Variants in SEMA3D observed in about 807,000 individuals in gnomAD.
SEMA3D encodes semaphorin-3D.
Under a neutral mutation model 100.1 loss-of-function variants are expected in SEMA3D, and 84 were observed. That is an observed-to-expected ratio of 0.84 (90% confidence interval 0.70 to 1.01). The LOEUF is 1.01. SEMA3D is among the 50% of genes least tolerant of loss of function. SEMA3D has a pLI of 0.00. For synonymous variants in SEMA3D, 312 were observed against 320.7 expected, an observed-to-expected ratio of 0.97 and a Z score of 0.29; for missense variants, 875 against 934.1, an observed-to-expected ratio of 0.94 and a Z score of 0.82.
chr7:85,009,338 C>T (rs543992810), intron 17 of SEMA3D, among the ~76,000 whole-genome samples: 8 of 151,476 alleles, frequency 5.3e-5, no homozygotes, highest in African/African-American at 1.5e-4. Context: ...GATAATCATG[C>T]AATTTTGTAG....
the SEMA3D span, among the ~76,000 whole-genome samples, chr7:85,244,312 G>C: frequency 6.6e-6 from 1 of 152,274 alleles, no homozygotes; most frequent in African/African-American, 2.4e-5. Context: ...CTCCTGAGAA[G>C]TGGCATTAAT....
intron 14 of SEMA3D, among the ~76,000 whole-genome samples, chr7:85,019,258 G>A (rs1790188935): frequency 6.6e-6 from 1 of 151,714 alleles, no homozygotes; most frequent in Admixed American, 6.6e-5. Flanking sequence ...CATTGAACGA[G>A]ACTTGTTCTA....
At chr7:85,051,741 G>T (rs1791171899) in intron 9 of SEMA3D, among the ~76,000 whole-genome samples, 1 of 151,806 alleles carries the variant, frequency 6.6e-6, no homozygotes, top group Admixed American at 6.6e-5. Context: ...ATAAAAATCT[G>T]TGCTCATAAT....
intron 4 of SEMA3D, among the ~76,000 whole-genome samples, chr7:85,085,809 A>T (rs568124956): frequency 6.6e-6 from 1 of 152,336 alleles, no homozygotes; most frequent in South Asian, 2.1e-4. Flanking sequence ...CAGGGACTTG[A>T]CACTAAAATA....
At chr7:85,098,445 T>G (rs1220782537) in intron 3 of SEMA3D, among the ~76,000 whole-genome samples, 1 of 151,892 alleles carries the variant, frequency 6.6e-6, no homozygotes, top group East Asian at 1.9e-4. Flanking sequence ...TAAAATTAAT[T>G]AATGTATACA....
chr7:85,168,643 T>C (rs1790979630), intron 1 of SEMA3D, among the ~76,000 whole-genome samples: 1 of 148,170 alleles, frequency 6.7e-6, no homozygotes, highest in Non-Finnish European at 1.5e-5. Context: ...TTTTTTTAAT[T>C]TTAATTACTT....
intron 1 of SEMA3D, among the ~76,000 whole-genome samples, chr7:85,162,721 G>A (rs1199204723): frequency 1.3e-5 from 2 of 152,074 alleles, no homozygotes; most frequent in Non-Finnish European, 2.9e-5. Context: ...GAAAAAGACT[G>A]GAAGCTCTGT....
rs925155194 is a variant in SEMA3D at position 85,107,099 on chromosome 7, TG to T, written c.152-9135del. Among the ~76,000 whole-genome samples the T allele has an allele frequency of 5.5e-4, 83 of 152,172 alleles. 1 individual carries two copies. The highest frequency in any genetic ancestry group is 2.0e-3 in the African/African-American group (83 of 41,538). On this transcript the variant is annotated intron_variant, in intron 3 of 18. Transcript: ENST00000284136. Reference sequence around the variant, plus strand: ...CGGTATTATGAAATTTAAAATAATTTGCCAGAATATATATATGTGTGTGTAT... The same window carrying T: ...CGGTATTATGAAATTTAAAATAATTTCCAGAATATATATATGTGTGTGTAT...
chr7:85,071,043 G>A (rs1791758296), intron 6 of SEMA3D, among the ~76,000 whole-genome samples: 1 of 152,000 alleles, frequency 6.6e-6, no homozygotes, highest in Non-Finnish European at 1.5e-5. Context: ...GCCTCCCAAA[G>A]TGTGAGCCAC....
intron 3 of SEMA3D, among the ~76,000 whole-genome samples, chr7:85,112,197 C>A (rs768999034): frequency 1.2e-4 from 19 of 152,136 alleles, no homozygotes; most frequent in Non-Finnish European, 2.5e-4. Context: ...ACTGACATCT[C>A]TACTTGAGAC....
intron 1 of SEMA3D, among the ~76,000 whole-genome samples, chr7:85,158,095 T>C (rs1790648738): frequency 6.6e-6 from 1 of 152,154 alleles, no homozygotes. Flanking sequence ...ATTATTGCGT[T>C]AACTGCACAA....
chr7:85,015,191 T>C lies in SEMA3D; in HGVS notation c.1571A>G (p.Asp524Gly), dbSNP rs748526442. The C allele has an allele frequency of 1.8e-5, 29 of 1,609,986 alleles. No individual in the cohort carries two copies. The highest frequency in any genetic ancestry group is 2.4e-5 in the Non-Finnish European group (28 of 1,177,136). Reference sequence around the variant, plus strand: ...GTGCAAGGAGAGCTGAACCAATCCATCTCGGGAACCAATGTACAATTGTTG... The same window carrying C: ...GTGCAAGGAGAGCTGAACCAATCCACCTCGGGAACCAATGTACAATTGTTG... Reference protein sequence around the residue: ...KQQQLYIGSRDGLVQLSLHRC... With the variant: ...KQQQLYIGSRGGLVQLSLHRC... The change falls in exon 16 of 19, where the codon GAT becomes GGT. Residue 524 changes from aspartate (D) to glycine (G), a missense_variant. Physicochemically the swap from Asp to Gly is moderately conservative, Grantham distance 94. Transcript: ENST00000284136.
intron 12 of SEMA3D, among the ~76,000 whole-genome samples, chr7:85,034,649 G>A (rs917096827): frequency 4.0e-5 from 6 of 151,798 alleles, no homozygotes; most frequent in Admixed American, 6.6e-5. Context: ...TTAAAAAATG[G>A]GCTAAGTACT....
chr7:85,195,650 C>T, the SEMA3D span, among the ~76,000 whole-genome samples: 1 of 152,126 alleles, frequency 6.6e-6, no homozygotes, highest in African/African-American at 2.4e-5. Flanking sequence ...TTCTTCAACT[C>T]AGCGCTGATT....
chr7:85,241,219 G>C, the SEMA3D span, among the ~76,000 whole-genome samples: 1 of 151,836 alleles, frequency 6.6e-6, no homozygotes, highest in Non-Finnish European at 1.5e-5. Flanking sequence ...CGGCTAGTGG[G>C]AATGTAAACT....
At chr7:85,171,218 C>G (rs1791074957) in intron 1 of SEMA3D, among the ~76,000 whole-genome samples, 1 of 151,936 alleles carries the variant, frequency 6.6e-6, no homozygotes, top group Non-Finnish European at 1.5e-5. Flanking sequence ...TTGCTGTAGA[C>G]TAGGGCCTAC....
chr7:85,067,939 C>A (rs766594909), intron 7 of SEMA3D, among the ~76,000 whole-genome samples: 2 of 152,082 alleles, frequency 1.3e-5, no homozygotes, highest in Admixed American at 1.3e-4. Context: ...ATTATCTGTT[C>A]TTTGACATTA....
Position 84,995,929 on chromosome 7 carries a change from C to A in SEMA3D, c.*3511G>T, listed in dbSNP as rs1789486438. On this transcript the variant is annotated 3_prime_UTR_variant, in exon 19 of 19. Coordinates refer to ENST00000284136, the MANE Select transcript of SEMA3D (RefSeq NM_001384900.1). Reference sequence around the variant, plus strand: ...AAGATGAATTATTTAAAATTGTGATCATTTACTATGATAAAAATACATCTC... The same window carrying A: ...AAGATGAATTATTTAAAATTGTGATAATTTACTATGATAAAAATACATCTC... 1 of 151,126 alleles carries A rather than the reference C, an allele frequency of 6.6e-6. No individual in the cohort carries two copies. Among genetic ancestry groups the A allele is most frequent in the African/African-American group, 2.4e-5 (1 of 41,262 alleles). The allele number at this position is 151,126 out of a possible 1,614,324, so 9.4% of individuals were successfully genotyped here.
intron 1 of SEMA3D, among the ~76,000 whole-genome samples, chr7:85,173,957 T>G (rs10259442): frequency 1.2e-3 from 183 of 152,274 alleles, no homozygotes; most frequent in African/African-American, 4.3e-3. Flanking sequence ...TTTTAGTTAC[T>G]AAAGTGAGTG....
Sources: allele counts gnomAD v4.1 joint callset (sites outside exome capture counted in the v4.1 genomes callset), GRCh38; gene constraint gnomAD v4.1.1; transcripts MANE v1.5; gene names NCBI Gene and HGNC (gene_info 2026-07-23, HGNC 2026-07-21).